The following TBC1D22A variants were observed in gnomAD, a reference collection of about 807,000 sequenced individuals.
TBC1D22A encodes putative GTPase activator.
In TBC1D22A, 38 loss-of-function variants were observed where a neutral mutation model predicts 60.2. The ratio of observed to expected loss-of-function variants is 0.63; its 90% confidence interval spans 0.49 to 0.83. The LOEUF is 0.83. TBC1D22A is among the 40% of genes least tolerant of loss of function. TBC1D22A has a pLI of 0.00. For missense variants in TBC1D22A, 628 were observed against 701.0 expected (o/e 0.90, Z 1.18); for synonymous variants, 302 against 281.7 (o/e 1.07, Z -0.72).
At chr22:47,160,164 G>A (rs1178324495) in intron 12 of TBC1D22A, among the ~76,000 whole-genome samples, 2 of 152,224 alleles carry the variant, frequency 1.3e-5, no homozygotes, top group Admixed American at 6.5e-5. Context: ...CACAGCCTGG[G>A]TTGTGCTTCC....
At chr22:47,130,554 C>G (rs113299448) in intron 12 of TBC1D22A, among the ~76,000 whole-genome samples, 9 of 152,356 alleles carry the variant, frequency 5.9e-5, no homozygotes, top group African/African-American at 2.2e-4. Context: ...GCTCTCCTCT[C>G]TTACAGTGTC....
chr22:46,876,223 A>T (rs916362598), intron 4 of TBC1D22A, among the ~76,000 whole-genome samples: 1 of 152,168 alleles, frequency 6.6e-6, no homozygotes, highest in Non-Finnish European at 1.5e-5. Flanking sequence ...AGATTCTCGT[A>T]TGTGCCTACA....
At chr22:47,024,117 G>T (rs1487515128) in intron 10 of TBC1D22A, among the ~76,000 whole-genome samples, 1 of 152,204 alleles carries the variant, frequency 6.6e-6, no homozygotes, top group Non-Finnish European at 1.5e-5. Flanking sequence ...ACGCTGTGCT[G>T]CCTGTGAAGC....
At chr22:46,786,710 A>G (rs2084173573) in intron 1 of TBC1D22A, among the ~76,000 whole-genome samples, 1 of 151,732 alleles carries the variant, frequency 6.6e-6, no homozygotes, top group Admixed American at 6.6e-5. Context: ...TTTTTTTGAG[A>G]CAGGATCTTG....
At chr22:47,055,916 G>A (rs1262097881) in intron 11 of TBC1D22A, among the ~76,000 whole-genome samples, 1 of 151,884 alleles carries the variant, frequency 6.6e-6, no homozygotes, top group Non-Finnish European at 1.5e-5. Context: ...GCCACTGAGG[G>A]TTGGTGAGAT....
At chr22:47,126,228 T>C (rs941209313) in intron 12 of TBC1D22A, among the ~76,000 whole-genome samples, 1 of 152,216 alleles carries the variant, frequency 6.6e-6, no homozygotes, top group Admixed American at 6.5e-5. Context: ...GTAATCCGCC[T>C]GCCTTGGCCT....
intron 11 of TBC1D22A, among the ~76,000 whole-genome samples, chr22:47,050,148 C>T (rs1020961447): frequency 2.6e-5 from 4 of 152,180 alleles, no homozygotes; most frequent in Non-Finnish European, 4.4e-5. Context: ...AGGATTAAGG[C>T]GCCTGCCACC....
At chr22:46,874,190 G>A (rs190283653) in intron 4 of TBC1D22A, among the ~76,000 whole-genome samples, 409 of 152,230 alleles carry the variant, frequency 2.7e-3, no homozygotes, top group Non-Finnish European at 4.6e-3. Context: ...CTCATTGATG[G>A]GCATTTAGGT....
chr22:47,072,675 A>G (rs1440943159), intron 11 of TBC1D22A, among the ~76,000 whole-genome samples: 2 of 152,228 alleles, frequency 1.3e-5, no homozygotes, highest in African/African-American at 4.8e-5. Flanking sequence ...GCAGCCTGCT[A>G]AGAGCTGGAT....
At chr22:46,889,059 A>G (rs142362600) in intron 5 of TBC1D22A, among the ~76,000 whole-genome samples, 68 of 152,352 alleles carry the variant, frequency 4.5e-4, no homozygotes, top group African/African-American at 1.6e-3. Flanking sequence ...AAAACTATCA[A>G]CTGGACTTCA....
intron 9 of TBC1D22A, among the ~76,000 whole-genome samples, chr22:46,991,726 G>A (rs136135): frequency 0.43 from 66,085 of 152,066 alleles, 16,515 homozygotes; most frequent in African/African-American, 0.7. Context: ...CATTACCTGC[G>A]TTTGAGAGCA....
chr22:46,891,807 T>C (rs1448632662), intron 6 of TBC1D22A, among the ~76,000 whole-genome samples: 1 of 152,156 alleles, frequency 6.6e-6, no homozygotes, highest in Non-Finnish European at 1.5e-5. Flanking sequence ...TGGGGTTCTC[T>C]GGCGCTGGGC....
intron 7 of TBC1D22A, among the ~76,000 whole-genome samples, chr22:46,898,816 T>G (rs1446983827): frequency 6.6e-6 from 1 of 152,242 alleles, no homozygotes; most frequent in African/African-American, 2.4e-5. Context: ...CCATCTTATT[T>G]TGGAACCAAA....
At chr22:47,114,112 C>T (rs1335878166) in intron 12 of TBC1D22A, among the ~76,000 whole-genome samples, 1 of 152,182 alleles carries the variant, frequency 6.6e-6, no homozygotes. Context: ...GGGCCGGAGA[C>T]ATTGCTCTGC....
At chr22:47,099,461 T>G (rs540573722) in intron 11 of TBC1D22A, among the ~76,000 whole-genome samples, 1 of 151,534 alleles carries the variant, frequency 6.6e-6, no homozygotes, top group South Asian at 2.1e-4. Context: ...TTTTTTTTTT[T>G]TGAAACGGAG....
chr22:47,154,655 T>C (rs1173362926), intron 12 of TBC1D22A, among the ~76,000 whole-genome samples: 1 of 152,150 alleles, frequency 6.6e-6, no homozygotes, highest in East Asian at 1.9e-4. Flanking sequence ...TAGCAGGCAA[T>C]GTGCCCGGAG....
intron 10 of TBC1D22A, among the ~76,000 whole-genome samples, chr22:47,034,105 T>C (rs1424007348): frequency 1.3e-5 from 2 of 151,480 alleles, no homozygotes; most frequent in Non-Finnish European, 2.9e-5. Flanking sequence ...GGGAACCATT[T>C]TTTGGTAGTG....
chr22:46,872,703 T>C (rs1025949231), intron 4 of TBC1D22A, among the ~76,000 whole-genome samples: 1 of 151,478 alleles, frequency 6.6e-6, no homozygotes, highest in East Asian at 1.9e-4. Flanking sequence ...TAGGAAAGAG[T>C]TTTGAGGAGG....
intron 1 of TBC1D22A, among the ~76,000 whole-genome samples, chr22:46,775,826 T>G (rs2083680627): frequency 6.6e-6 from 1 of 152,266 alleles, no homozygotes; most frequent in African/African-American, 2.4e-5. Flanking sequence ...TGAGAGAATG[T>G]GCTGTGTTCT....
Sources: allele counts gnomAD v4.1 joint callset (sites outside exome capture counted in the v4.1 genomes callset), GRCh38; gene constraint gnomAD v4.1.1; transcripts MANE v1.5; gene names NCBI Gene and HGNC (gene_info 2026-07-23, HGNC 2026-07-21).